PTCSC3: variants seen among roughly 807,000 people sequenced by gnomAD.
PTCSC3 encodes the protein papillary thyroid carcinoma susceptibility candidate 3.
rs573882349 is a variant in PTCSC3 at position 36,142,384 on chromosome 14, G to A, written n.323-6028C>T. On this transcript the variant is annotated intron_variant and non_coding_transcript_variant, in intron 3 of 3. Transcript: ENST00000556013. The stretch of plus-strand genomic sequence containing the variant: ...TTGTGATGGATTGATTGATTTCCTC[G>A]TATTTTGTTGGAGATTTTAACACCT... Among the ~76,000 whole-genome samples the A allele has an allele frequency of 1.5e-4, 23 of 152,186 alleles. No individual in the cohort carries two copies. The South Asian group carries it at 3.5e-3, about 23-fold the overall frequency.
intron 3 of PTCSC3, among the ~76,000 whole-genome samples, chr14:36,137,173 G>A (rs1881306651): frequency 3.3e-5 from 5 of 152,196 alleles, no homozygotes; most frequent in Admixed American, 3.3e-4. Flanking sequence ...AGGAGGCCAT[G>A]CAGATATCTA....
chr14:36,155,226 T>C (rs1039253731), intron 2 of PTCSC3, among the ~76,000 whole-genome samples: 2 of 152,214 alleles, frequency 1.3e-5, no homozygotes, highest in African/African-American at 4.8e-5. Context: ...AAGTGACTGA[T>C]AATTATTTTT....
chr14:36,138,703 T>A (rs1234820254), intron 3 of PTCSC3, among the ~76,000 whole-genome samples: 1 of 152,252 alleles, frequency 6.6e-6, no homozygotes, highest in Non-Finnish European at 1.5e-5. Context: ...GGAATTCTTA[T>A]ACATTACTTA....
At chr14:36,165,279 T>C (rs79876477) in intron 1 of PTCSC3, 4,600 of 152,254 alleles carry the variant, frequency 0.03, 177 homozygotes, top group Admixed American at 0.11. Context: ...AAAAAGAATA[T>C]GCGACACTTA....
chr14:36,166,389 T>C (rs920501782), intron 1 of PTCSC3, among the ~76,000 whole-genome samples: 1 of 152,214 alleles, frequency 6.6e-6, no homozygotes, highest in Non-Finnish European at 1.5e-5. Flanking sequence ...TTTAGTGCTA[T>C]ATGTTTTAAA....
At chr14:36,138,931 G>A (rs1315878974) in intron 3 of PTCSC3, among the ~76,000 whole-genome samples, 9 of 151,862 alleles carry the variant, frequency 5.9e-5, no homozygotes, top group Non-Finnish European at 1.0e-4. Context: ...TGGCTAACAC[G>A]GTGAAACCCC....
At chr14:36,154,056 G>A (rs759261366) in intron 2 of PTCSC3, among the ~76,000 whole-genome samples, 58 of 125,642 alleles carry the variant, frequency 4.6e-4, no homozygotes, top group Admixed American at 1.7e-3. Context: ...GACACAGTGG[G>A]ACCCTGTCTC....
At chr14:36,151,313 A>G (rs565530007) in intron 3 of PTCSC3, among the ~76,000 whole-genome samples, 1 of 147,616 alleles carries the variant, frequency 6.8e-6, no homozygotes, top group East Asian at 2.0e-4. Flanking sequence ...GGCTTTTTTC[A>G]AGATGTTTTG....
At chr14:36,145,751 G>A (rs1402498379) in intron 3 of PTCSC3, among the ~76,000 whole-genome samples, 33 of 139,336 alleles carry the variant, frequency 2.4e-4, no homozygotes, top group Non-Finnish European at 4.3e-4. Flanking sequence ...TAATTGTGAT[G>A]TTAGGGTGTC....
At chr14:36,151,290 G>T (rs187372450) in intron 3 of PTCSC3, among the ~76,000 whole-genome samples, 1 of 147,934 alleles carries the variant, frequency 6.8e-6, no homozygotes, top group South Asian at 2.2e-4. Context: ...TTACCCCCCC[G>T]CCCCTGCCCT....
chr14:36,146,354 G>T (rs1376463163), intron 3 of PTCSC3, among the ~76,000 whole-genome samples: 1 of 148,552 alleles, frequency 6.7e-6, no homozygotes, highest in Non-Finnish European at 1.5e-5. Flanking sequence ...TCCTATATTG[G>T]GTGCATATAT....
At chr14:36,163,805 C>G (rs1293616963) in intron 1 of PTCSC3, among the ~76,000 whole-genome samples, 1 of 152,172 alleles carries the variant, frequency 6.6e-6, no homozygotes, top group Non-Finnish European at 1.5e-5. Context: ...TATACTTTGT[C>G]AGTGGATTTC....
At chr14:36,140,133 T>C (rs1435522297) in intron 3 of PTCSC3, among the ~76,000 whole-genome samples, 1 of 152,250 alleles carries the variant, frequency 6.6e-6, no homozygotes, top group Admixed American at 6.5e-5. Flanking sequence ...AATATGCATT[T>C]GTTTCCTCTG....
At chr14:36,140,385 T>G (rs1566501805) in intron 3 of PTCSC3, among the ~76,000 whole-genome samples, 2 of 152,208 alleles carry the variant, frequency 1.3e-5, no homozygotes, top group Non-Finnish European at 2.9e-5. Flanking sequence ...GTATTTGTAT[T>G]AAGTCCGTGT....
intron 3 of PTCSC3, among the ~76,000 whole-genome samples, chr14:36,142,286 CTTT>C (rs1881441203): frequency 1.3e-5 from 2 of 152,138 alleles, no homozygotes; most frequent in Non-Finnish European, 2.9e-5. Flanking sequence ...GATTTTTCTT[CTTT>C]AACCTGATTT....
chr14:36,135,901 G>A (rs983749721), downstream of PTCSC3, among the ~76,000 whole-genome samples: 3 of 145,792 alleles, frequency 2.1e-5, no homozygotes, highest in African/African-American at 2.5e-5. Context: ...ATATATATAT[G>A]TGTGTGTGTG....
chr14:36,151,475 T>G (rs1881722173), intron 3 of PTCSC3, among the ~76,000 whole-genome samples: 1 of 152,200 alleles, frequency 6.6e-6, no homozygotes, highest in African/African-American at 2.4e-5. Flanking sequence ...TTCTTTTGCA[T>G]CTTTCATTCT....
At chr14:36,157,228 T>A (rs1881850114) in intron 2 of PTCSC3, among the ~76,000 whole-genome samples, 1 of 152,250 alleles carries the variant, frequency 6.6e-6, no homozygotes, top group Admixed American at 6.5e-5. Flanking sequence ...GAGTTTTATA[T>A]CCTTAACCCA....
chr14:36,167,633 C>T (rs1169441157), intron 1 of PTCSC3, among the ~76,000 whole-genome samples: 4 of 152,054 alleles, frequency 2.6e-5, no homozygotes, highest in South Asian at 2.1e-4. Context: ...CCCAGGGGAG[C>T]GTAAACAAAT....
Sources: gnomAD v4.1 joint callset for allele counts (sites outside exome capture counted in the v4.1 genomes callset) on GRCh38, gnomAD v4.1.1 for gene constraint, MANE v1.5 for transcripts, NCBI Gene and HGNC (gene_info 2026-07-23, HGNC 2026-07-21) for gene names.